The following TBC1D14 variants were observed in gnomAD, a reference collection of about 807,000 sequenced individuals.
TBC1D14 encodes TBC1 domain family, member 14.
In TBC1D14, 26 loss-of-function variants were observed where a neutral mutation model predicts 79.0. The ratio of observed to expected loss-of-function variants is 0.33; its 90% confidence interval spans 0.24 to 0.46. The LOEUF (loss-of-function observed/expected upper bound fraction) is 0.46. Ranked by LOEUF, TBC1D14 falls within the 20% of genes least tolerant of loss-of-function variation. The pLI is 1.00. For missense variants in TBC1D14, 769 were observed against 887.6 expected (o/e 0.87, Z 1.70); for synonymous variants, 394 against 349.9 (o/e 1.13, Z -1.40).
chr4:6,969,757 G>A (rs1324630578), intron 3 of TBC1D14, among the ~76,000 whole-genome samples: 1 of 151,812 alleles, frequency 6.6e-6, no homozygotes, highest in Non-Finnish European at 1.5e-5. Flanking sequence ...GACCTTAGAG[G>A]ATTTTTTTTT....
intron 9 of TBC1D14, chr4:7,007,742 T>G: frequency 1.8e-6 from 1 of 550,960 alleles, no homozygotes; most frequent in South Asian, 1.8e-5. Context: ...TCTGCCCTTT[T>G]GCCCCAGTTC....
At chr4:6,973,367 G>C (rs1341313858) in intron 3 of TBC1D14, among the ~76,000 whole-genome samples, 1 of 152,042 alleles carries the variant, frequency 6.6e-6, no homozygotes, top group Non-Finnish European at 1.5e-5. Context: ...TTGGCTGCTG[G>C]CCTACAGGCA....
At chr4:6,965,153 C>T (rs1449552340) in intron 2 of TBC1D14, among the ~76,000 whole-genome samples, 1 of 101,034 alleles carries the variant, frequency 9.9e-6, no homozygotes, top group Non-Finnish European at 2.0e-5. Context: ...TCAATTGTCC[C>T]AATAATCTTT....
chr4:6,917,759 G>C (rs796282721), intron 1 of TBC1D14, among the ~76,000 whole-genome samples: 88 of 152,254 alleles, frequency 5.8e-4, no homozygotes, highest in African/African-American at 2.1e-3. Context: ...CCTGGCTGGC[G>C]TCCAGAGTCC....
chr4:6,988,232 T>G (rs541260075), intron 3 of TBC1D14, among the ~76,000 whole-genome samples: 2 of 152,250 alleles, frequency 1.3e-5, no homozygotes, highest in Non-Finnish European at 2.9e-5. Flanking sequence ...GCGGACACTT[T>G]CAGTTTCGTG....
At chr4:6,975,063 C>CTGT (rs1305968635) in intron 3 of TBC1D14, among the ~76,000 whole-genome samples, 2 of 152,052 alleles carry the variant, frequency 1.3e-5, no homozygotes, top group African/African-American at 4.8e-5. Context: ...AGGCGCCCGT[C>CTGT]ACCATGCCTG....
chr4:6,951,269 G>A (rs1019820154), intron 2 of TBC1D14, among the ~76,000 whole-genome samples: 5 of 152,134 alleles, frequency 3.3e-5, no homozygotes, highest in African/African-American at 1.2e-4. Context: ...TCCAGCCTGG[G>A]CGGCAGAGCA....
intron 3 of TBC1D14, among the ~76,000 whole-genome samples, chr4:6,979,500 A>G (rs897567417): frequency 6.6e-6 from 1 of 152,148 alleles, no homozygotes; most frequent in African/African-American, 2.4e-5. Context: ...ACACACCTGT[A>G]GTCCTAGCTG....
intron 13 of TBC1D14, 35 bp downstream of exon 13, chr4:7,025,297 G>A (rs375257101): frequency 4.5e-5 from 72 of 1,611,710 alleles, no homozygotes; most frequent in African/African-American, 9.3e-5. Flanking sequence ...TTCCCACAGC[G>A]TAGCCGGCAA....
intron 11 of TBC1D14, among the ~76,000 whole-genome samples, chr4:7,014,166 G>C (rs762512845): frequency 3.7e-4 from 57 of 152,316 alleles, no homozygotes; most frequent in Admixed American, 5.9e-4. Flanking sequence ...CACCTACAAA[G>C]CTTGTGCCCT....
chr4:7,000,913 C>T (rs1408670971), intron 6 of TBC1D14, among the ~76,000 whole-genome samples: 8 of 152,296 alleles, frequency 5.3e-5, no homozygotes, highest in East Asian at 1.9e-4. Flanking sequence ...GCCTCTGGTT[C>T]GTGGTGACCT....
chr4:6,994,796 C>T (rs1718841988), intron 4 of TBC1D14, among the ~76,000 whole-genome samples: 2 of 150,750 alleles, frequency 1.3e-5, no homozygotes, highest in Admixed American at 1.3e-4. Flanking sequence ...GGAGGCAGAG[C>T]TTGCAGTGAG....
At position 7,025,121 on chromosome 4, in the gene TBC1D14, G is replaced by A; in HGVS notation, c.1875G>A (p.Leu625=). The A allele has an allele frequency of 6.2e-7, 1 of 1,614,222 alleles. No individual in the cohort carries two copies. The part of the protein sequence containing the change: ...LFRTALGILK[L]FEDILTKMDF... ...GCACGGCCCTGGGCATCCTGAAGCTGTTCGAGGACATCCTGACCAAGATGG... is the reference window on the plus strand; with the variant it reads ...GCACGGCCCTGGGCATCCTGAAGCTATTCGAGGACATCCTGACCAAGATGG... Residue 625 remains leucine, a synonymous_variant, in exon 13 of 14, where the codon CTG becomes CTA. Transcript: ENST00000409757.
chr4:6,944,290 G>A (rs1446626074), intron 2 of TBC1D14, among the ~76,000 whole-genome samples: 4 of 152,076 alleles, frequency 2.6e-5, no homozygotes, highest in East Asian at 1.9e-4. Context: ...CAATTAAAAC[G>A]TGTTCGTATG....
chr4:6,930,898 A>T (rs529187204), intron 2 of TBC1D14, among the ~76,000 whole-genome samples: 1 of 151,180 alleles, frequency 6.6e-6, no homozygotes, highest in Non-Finnish European at 1.5e-5. Context: ...CTTCTTTTTT[A>T]TTTATTTTTA....
intron 3 of TBC1D14, among the ~76,000 whole-genome samples, chr4:6,968,953 T>C (rs1430670667): frequency 6.6e-6 from 1 of 152,138 alleles, no homozygotes; most frequent in African/African-American, 2.4e-5. Flanking sequence ...GGGTGACCTG[T>C]TAGGTGTAGG....
intron 1 of TBC1D14, among the ~76,000 whole-genome samples, chr4:6,917,037 C>T (rs796657780): frequency 2.6e-4 from 39 of 152,322 alleles, no homozygotes; most frequent in African/African-American, 9.4e-4. Context: ...TGGTCTAGCC[C>T]CTAACCAGTG....
chr4:6,987,525 G>T, intron 3 of TBC1D14: 2 of 500,552 alleles, frequency 4.0e-6, no homozygotes, highest in Non-Finnish European at 6.4e-6. Context: ...CTCAACAGCC[G>T]AAGCTTGCTG....
intron 2 of TBC1D14, among the ~76,000 whole-genome samples, chr4:6,966,019 A>T (rs1465025547): frequency 6.6e-6 from 1 of 152,210 alleles, no homozygotes; most frequent in Non-Finnish European, 1.5e-5. Flanking sequence ...TCTCCTTACT[A>T]GGTGACTTCC....
Sources: allele counts gnomAD v4.1 joint callset (sites outside exome capture counted in the v4.1 genomes callset), GRCh38; gene constraint gnomAD v4.1.1; transcripts MANE v1.5; gene names NCBI Gene and HGNC (gene_info 2026-07-23, HGNC 2026-07-21).